The following TRAPPC11 variants were observed in gnomAD, a reference collection of about 807,000 sequenced individuals.
TRAPPC11 encodes trafficking protein particle complex subunit 11.
A neutral mutation model predicts 151.2 loss-of-function variants in TRAPPC11; 104 were observed. The ratio of observed to expected loss-of-function variants is 0.69; its 90% CI spans 0.59 to 0.81. The LOEUF is 0.81. Ranked by LOEUF, TRAPPC11 falls within the 30% of genes least tolerant of loss-of-function variation. The pLI, the probability that TRAPPC11 is intolerant of heterozygous loss-of-function variation, is 0.00. For synonymous variants in TRAPPC11, 456 were observed against 472.3 expected (o/e 0.97, Z 0.45); for missense variants, 1,230 against 1,349.6 (o/e 0.91, Z 1.39).
rs192084379 is a variant in TRAPPC11, at chr4:183,691,516, A to G, written c.2049+45A>G. ...TTAAAATATTTTTAATAATAAAAGT[A>G]TGTTTATATCAATATTTTAAATAAT... On this transcript the variant is annotated intron_variant, in intron 19 of 29. Coordinates refer to ENST00000334690, the MANE Select transcript of TRAPPC11 (RefSeq NM_021942.6). 8.9e-4 allele frequency: 1,054 copies of G among 1,179,352 alleles called. 5 individuals are homozygous for G. The highest frequency in any genetic ancestry group is 2.1e-3 in the East Asian group (77 of 35,952). 73.1% of individuals were successfully genotyped at this position (1,179,352 alleles called of 1,614,324 possible).
chr4:183,691,891 C>A (rs1736277756), intron 19 of TRAPPC11, among the ~76,000 whole-genome samples: 1 of 151,872 alleles, frequency 6.6e-6, no homozygotes, highest in Non-Finnish European at 1.5e-5. Context: ...TTAAGCATTA[C>A]TGAGTACATA....
chr4:183,660,828 C>T (rs1461683846), intron 1 of TRAPPC11, among the ~76,000 whole-genome samples: 1 of 152,196 alleles, frequency 6.6e-6, no homozygotes, highest in African/African-American at 2.4e-5. Context: ...ATTCTCCTGC[C>T]TCAGCCTCCC....
At chr4:183,677,825 T>C (rs547519171) in intron 8 of TRAPPC11, among the ~76,000 whole-genome samples, 2 of 152,228 alleles carry the variant, frequency 1.3e-5, no homozygotes, top group Non-Finnish European at 2.9e-5. Context: ...CAAGGAGGAG[T>C]TGAGAAGAAA....
intron 25 of TRAPPC11, chr4:183,701,250 GTA>G: frequency 6.4e-6 from 1 of 155,206 alleles, no homozygotes; most frequent in East Asian, 1.9e-4. Context: ...TGGTCAACCT[GTA>G]TATGTTTACT....
intron 10 of TRAPPC11, among the ~76,000 whole-genome samples, chr4:183,682,139 A>G (rs1256061241): frequency 1.3e-5 from 2 of 152,244 alleles, no homozygotes; most frequent in Admixed American, 6.5e-5. Context: ...TGGAAGAATG[A>G]TAACATACAT....
At chr4:183,691,020 C>T (rs1445151814) in intron 18 of TRAPPC11, among the ~76,000 whole-genome samples, 1 of 152,082 alleles carries the variant, frequency 6.6e-6, no homozygotes, top group Non-Finnish European at 1.5e-5. Context: ...AAAAAAGGCT[C>T]TTCAAGAAAA....
At chr4:183,685,729 A>C (rs1288649025) in intron 17 of TRAPPC11, among the ~76,000 whole-genome samples, 1 of 152,180 alleles carries the variant, frequency 6.6e-6, no homozygotes, top group African/African-American at 2.4e-5. Flanking sequence ...TTCATTTAAA[A>C]TCTTGTCATC....
chr4:183,704,353 T>C (rs1274726289), intron 26 of TRAPPC11, among the ~76,000 whole-genome samples: 1 of 151,894 alleles, frequency 6.6e-6, no homozygotes, highest in Non-Finnish European at 1.5e-5. Context: ...GAACCTCGTC[T>C]CTGCTAAAAA....
intron 7 of TRAPPC11, among the ~76,000 whole-genome samples, chr4:183,677,136 A>G (rs1735454823): frequency 6.6e-6 from 1 of 152,210 alleles, no homozygotes; most frequent in Admixed American, 6.5e-5. Flanking sequence ...ATGGTACTTT[A>G]AAATACTTAT....
In TRAPPC11 at chr4:183,708,530, A is replaced by G. The variant is rs770901450; in HGVS notation, c.3313A>G (p.Asn1105Asp). The stretch of plus-strand genomic sequence containing the variant: ...CTTGCTTAGATTTCCTAACTTCACA[A>G]ATCAGCTGCTCAGGCGTTTTATACC... ...INLLRFPNFTNQLLRRFIPTS... is the reference protein window; with the variant it reads ...INLLRFPNFTDQLLRRFIPTS... The change falls in exon 29 of 30, where the codon AAT becomes GAT. Residue 1105 changes from asparagine to aspartate, a missense_variant. Transcript: ENST00000334690. 5 of 1,614,108 alleles carry G rather than the reference A, an allele frequency of 3.1e-6. No homozygotes were observed. The highest frequency in any genetic ancestry group is 4.2e-6 in the Non-Finnish European group (5 of 1,179,996).
chr4:183,706,682 A>G lies in TRAPPC11; in HGVS notation c.3056-125A>G, dbSNP rs145352272. 4.9e-4 allele frequency: 497 copies of G among 1,024,642 alleles called. 3 individuals are homozygous for G. In the African/African-American group the frequency reaches 7.4e-3, roughly 15 times the overall value. 63.5% of individuals were successfully genotyped at this position (1,024,642 alleles called of 1,614,324 possible). A position where few individuals can be genotyped will look rare whatever the true frequency, so the allele number is the denominator to read the frequency against. On this transcript the variant is annotated intron_variant, in intron 27 of 29. Transcript: ENST00000334690. The stretch of plus-strand genomic sequence containing the variant: ...AATCAAAGAATTTTCTTATCCGGCA[A>G]GAGTACAGTAACGTCATTAATTTAA...
At position 183,706,947 on chromosome 4, in the gene TRAPPC11, G is replaced by A. The variant is rs754150405; in HGVS notation, c.3189+7G>A. The stretch of plus-strand genomic sequence containing the variant: ...GTTCTCAGGTCTCAAACAGGTACAG[G>A]TCATATCTTGTGATGCTTATGTTGA... On this transcript the variant is annotated splice_region_variant and intron_variant, in intron 28 of 29. Transcript: ENST00000334690. The A allele has an allele frequency of 6.2e-7, 1 of 1,613,182 alleles. No homozygotes were observed. The highest frequency in any genetic ancestry group is 8.5e-7 in the Non-Finnish European group (1 of 1,179,650).
chr4:183,682,086 G>C (rs6846922), intron 10 of TRAPPC11, among the ~76,000 whole-genome samples: 136,854 of 152,292 alleles, frequency 0.9, 61,556 homozygotes, highest in East Asian at 1. Context: ...ATGAAAGAAG[G>C]AGGTTGAAAA....
Position 183,708,490 on chromosome 4 carries a change from A to G in TRAPPC11, c.3273A>G (p.Pro1091=), listed in dbSNP as rs113269326. The change falls in exon 29 of 30, where the codon CCA becomes CCG. Residue 1091 remains proline, a synonymous_variant. Coordinates refer to ENST00000334690, the MANE Select transcript of TRAPPC11 (RefSeq NM_021942.6). The stretch of plus-strand genomic sequence containing the variant: ...TGATGGCTGGATACCAGCAGCTGCC[A>G]TCTCTCAACATCAACTTGCTTAGAT... ...YPLMAGYQQL[P]SLNINLLRFP... 4.5e-4 allele frequency: 733 copies of G among 1,614,142 alleles called. 1 individual carries two copies. The African/African-American group carries it at 8.1e-3, about 18-fold the overall frequency.
rs1346447722 is a variant in TRAPPC11 at position 183,686,615 on chromosome 4, T to C, written c.1763-3T>C. 1.2e-6 allele frequency: 2 copies of C among 1,613,900 alleles called. No homozygotes were observed. Among genetic ancestry groups the C allele is most frequent in the Middle Eastern group, 1.7e-4 (1 of 6,060 alleles). ...TAACACAGCCCTTTTGTTTTATTTC[T>C]AGTGCAGTGCAAAGCCAAGTTTCAT... is the stretch of plus-strand genomic sequence containing the variant. On this transcript the variant is annotated splice_region_variant and splice_polypyrimidine_tract_variant and intron_variant, in intron 17 of 29. Transcript: ENST00000334690.
Position 183,713,057 on chromosome 4 carries a change from A to G in TRAPPC11, c.*413A>G. On this transcript the variant is annotated 3_prime_UTR_variant, in exon 30 of 30. Transcript: ENST00000334690. The stretch of plus-strand genomic sequence containing the variant: ...ATGTGTCTCTTTCAGAGCTGGCCAG[A>G]CCGGAAATAAATCATTCTCATAAAT... 1 of 174,544 alleles carries G rather than the reference A, an allele frequency of 5.7e-6. No homozygotes were observed. Among genetic ancestry groups the G allele is most frequent in the Non-Finnish European group, 1.2e-5 (1 of 82,538 alleles). 10.8% of individuals were successfully genotyped at this position (174,544 alleles called of 1,614,324 possible).
chr4:183,679,932 G>C (rs1735591745), intron 9 of TRAPPC11, among the ~76,000 whole-genome samples, 188 bp from the exon 10 acceptor site: 1 of 152,154 alleles, frequency 6.6e-6, no homozygotes, highest in African/African-American at 2.4e-5. Context: ...CTTAAATATA[G>C]AACCTATCTG....
At chr4:183,699,950 C>T (rs976711005) in intron 25 of TRAPPC11, among the ~76,000 whole-genome samples, 6 of 152,098 alleles carry the variant, frequency 3.9e-5, no homozygotes, top group Admixed American at 2.0e-4. Flanking sequence ...TCAGCCTCTC[C>T]GAGTAGCTGG....
intron 14 of TRAPPC11, 57 bp downstream of exon 14, chr4:183,684,416 G>A (rs1735859995): frequency 6.8e-7 from 1 of 1,473,690 alleles, no homozygotes; most frequent in Non-Finnish European, 9.4e-7. Flanking sequence ...AAGTGAAACT[G>A]AAATAGAAAT....
Sources: allele counts gnomAD v4.1 joint callset (sites outside exome capture counted in the v4.1 genomes callset), GRCh38; gene constraint gnomAD v4.1.1; transcripts MANE v1.5; gene names NCBI Gene and HGNC (gene_info 2026-07-23, HGNC 2026-07-21).